CTNND2: variants seen among roughly 807,000 people sequenced by gnomAD.
CTNND2 encodes catenin delta-2.
CTNND2 carries 22 observed loss-of-function variants against 144.4 expected under a neutral mutation model. The observed-to-expected ratio is 0.15, with a 90% confidence interval of 0.11 to 0.22. The LOEUF is 0.22. Ranked by LOEUF, CTNND2 falls within the 10% of genes least tolerant of loss-of-function variation. CTNND2 has a pLI of 1.00. For missense variants in CTNND2, 1,353 were observed against 1,618.8 expected (o/e 0.84, Z 2.82); for synonymous variants, 751 against 695.6 (o/e 1.08, Z -1.25).
intron 9 of CTNND2, among the ~76,000 whole-genome samples, chr5:11,308,326 A>G (rs1750467611): frequency 6.6e-6 from 1 of 152,188 alleles, no homozygotes; most frequent in African/African-American, 2.4e-5. Flanking sequence ...TTCTCTGTAA[A>G]TAACTGGATA....
At chr5:11,514,657 T>C (rs750368002) in intron 3 of CTNND2, among the ~76,000 whole-genome samples, 1 of 152,234 alleles carries the variant, frequency 6.6e-6, no homozygotes, top group Non-Finnish European at 1.5e-5. Context: ...GTAGTGACAG[T>C]TGACACACAG....
intron 3 of CTNND2, among the ~76,000 whole-genome samples, chr5:11,537,290 G>A (rs1262727442): frequency 6.6e-6 from 1 of 152,104 alleles, no homozygotes; most frequent in South Asian, 2.1e-4. Context: ...TTCAATGTTG[G>A]TTCATAATCT....
intron 3 of CTNND2, among the ~76,000 whole-genome samples, chr5:11,553,084 T>C (rs1775908006): frequency 6.6e-6 from 1 of 152,220 alleles, no homozygotes; most frequent in Non-Finnish European, 1.5e-5. Context: ...AGAGTATCTA[T>C]TCAAAGAGTC....
chr5:11,440,237 T>C lies in CTNND2; in HGVS notation c.288-28168A>G, dbSNP rs562806219. ...ACTTTAATGTATACTAAACAGTGTCTAGCTGATGTGTGAACTCGCTCATGG... is the reference window on the plus strand; with the variant it reads ...ACTTTAATGTATACTAAACAGTGTCCAGCTGATGTGTGAACTCGCTCATGG... On this transcript the variant is annotated intron_variant, in intron 3 of 21. Transcript: ENST00000304623. Among the ~76,000 whole-genome samples, 63 of 152,352 alleles carry C rather than the reference T, an allele frequency of 4.1e-4. No individual in the cohort carries two copies. The Middle Eastern group carries it at 0.01, about 25-fold the overall frequency.
Position 11,885,766 on chromosome 5 carries a change from C to T in CTNND2, c.37+18051G>A, listed in dbSNP as rs980136301. On this transcript the variant is annotated intron_variant, in intron 1 of 21. Transcript: ENST00000304623. Reference sequence around the variant, plus strand: ...ACATGGAACATTCTTCAGAACAGACCGTATGTTAGGCCACAAAGCAGGTAT... The same window carrying T: ...ACATGGAACATTCTTCAGAACAGACTGTATGTTAGGCCACAAAGCAGGTAT... Among the ~76,000 whole-genome samples, 28 of 151,884 alleles carry T rather than the reference C, an allele frequency of 1.8e-4. 1 individual carries two copies. Among genetic ancestry groups the T allele is most frequent in the Admixed American group, 1.6e-3 (24 of 15,250 alleles).
chr5:11,302,041 G>A lies in CTNND2; in HGVS notation c.1628+44331C>T, dbSNP rs188621543. Among the ~76,000 whole-genome samples the A allele has an allele frequency of 4.5e-4, 68 of 152,232 alleles. 1 individual carries two copies. Among genetic ancestry groups the A allele is most frequent in the African/African-American group, 1.6e-3 (66 of 41,536 alleles). ...GGGAGTTGGATCCTTGGCACACCAT[G>A]AGCTGGAGCTGAGAGGTAACTGTCG... On this transcript the variant is annotated intron_variant, in intron 9 of 21. Transcript: ENST00000304623.
At chr5:11,457,765 AC>A in intron 3 of CTNND2, among the ~76,000 whole-genome samples, 1 of 152,194 alleles carries the variant, frequency 6.6e-6, no homozygotes, top group Admixed American at 6.5e-5. Context: ...ATCATGGGTG[AC>A]TTCAAGATCC....
intron 3 of CTNND2, among the ~76,000 whole-genome samples, chr5:11,484,028 T>G (rs1768548680): frequency 6.6e-6 from 1 of 152,176 alleles, no homozygotes; most frequent in Non-Finnish European, 1.5e-5. Flanking sequence ...ACAAATTTGT[T>G]GGCATCACAA....
intron 16 of CTNND2, among the ~76,000 whole-genome samples, chr5:11,053,728 G>C (rs1222704380): frequency 6.7e-6 from 1 of 149,820 alleles, no homozygotes; most frequent in Admixed American, 6.6e-5. Context: ...TCCTCTTAAA[G>C]GAATAATAAA....
At chr5:11,729,211 T>C (rs970605242) in intron 2 of CTNND2, among the ~76,000 whole-genome samples, 23 of 152,080 alleles carry the variant, frequency 1.5e-4, no homozygotes, top group Admixed American at 1.4e-3. Context: ...AAAGTCATCT[T>C]TGCTGCCCCA....
intron 3 of CTNND2, among the ~76,000 whole-genome samples, chr5:11,491,674 A>T (rs1769402107): frequency 1.3e-5 from 2 of 152,232 alleles, no homozygotes. Context: ...CTGAAGGCTC[A>T]TGCCCGTCAT....
intron 1 of CTNND2, among the ~76,000 whole-genome samples, chr5:11,806,302 G>A (rs531259675): frequency 6.6e-6 from 1 of 152,194 alleles, no homozygotes; most frequent in South Asian, 2.1e-4. Flanking sequence ...CAACTTTTCT[G>A]TAGATCTAAA....
At chr5:11,689,251 C>T (rs1268805077) in intron 2 of CTNND2, among the ~76,000 whole-genome samples, 6 of 152,086 alleles carry the variant, frequency 3.9e-5, no homozygotes, top group African/African-American at 9.7e-5. Context: ...GATCTGGTTT[C>T]TTAATCTGCA....
Position 11,513,418 on chromosome 5 carries a change from C to T in CTNND2, c.287+51526G>A, listed in dbSNP as rs565159359. On this transcript the variant is annotated intron_variant, in intron 3 of 21. Transcript: ENST00000304623. ...CCTCAAGATACTCTCACATCTGTTTCATTAGACAGGCTGCAAAGGGTTTGA... is the reference window on the plus strand; with the variant it reads ...CCTCAAGATACTCTCACATCTGTTTTATTAGACAGGCTGCAAAGGGTTTGA... Among the ~76,000 whole-genome samples, 10 of 152,322 alleles carry T rather than the reference C, an allele frequency of 6.6e-5. No individual in the cohort carries two copies. The East Asian group carries it at 1.9e-3, about 29-fold the overall frequency.
At chr5:11,880,567 GTAC>G (rs10559386) in intron 1 of CTNND2, among the ~76,000 whole-genome samples, 93,985 of 133,994 alleles carry the variant, frequency 0.7, 32,716 homozygotes, top group South Asian at 0.78. Context: ...ACTGCTACTA[GTAC>G]TACTACTACT....
In CTNND2 at chr5:11,030,682, T is replaced by A. The variant is rs558860916; in HGVS notation, c.2789-7703A>T. Among the ~76,000 whole-genome samples, 14 of 151,884 alleles carry A rather than the reference T, an allele frequency of 9.2e-5. No homozygotes were observed. In the South Asian group the frequency reaches 2.7e-3, roughly 29 times the overall value. On this transcript the variant is annotated intron_variant, in intron 16 of 21. Coordinates refer to ENST00000304623, the MANE Select transcript of CTNND2 (RefSeq NM_001332.4). ...ATATCTTCCTTTAATTCTTTGAACA[T>A]CTTTAAAACAGTTGTTTTAAAGTCT...
chr5:11,285,828 G>A (rs899640434), intron 9 of CTNND2, among the ~76,000 whole-genome samples: 1 of 67,612 alleles, frequency 1.5e-5, no homozygotes, highest in African/African-American at 5.7e-5. Context: ...AAAAGCCAGG[G>A]GGTTTATTTC....
intron 12 of CTNND2, among the ~76,000 whole-genome samples, chr5:11,126,462 C>G (rs1411869964): frequency 6.6e-6 from 1 of 152,082 alleles, no homozygotes; most frequent in Non-Finnish European, 1.5e-5. Context: ...GATAAAATAG[C>G]AGAGATAAAT....
intron 16 of CTNND2, among the ~76,000 whole-genome samples, chr5:11,078,705 C>T (rs1387711413): frequency 6.6e-6 from 1 of 152,098 alleles, no homozygotes; most frequent in African/African-American, 2.4e-5. Flanking sequence ...TTTTTTTCTC[C>T]ATTTTTCAGA....
Sources: allele counts gnomAD v4.1 joint callset (sites outside exome capture counted in the v4.1 genomes callset), GRCh38; gene constraint gnomAD v4.1.1; transcripts MANE v1.5; gene names NCBI Gene and HGNC (gene_info 2026-07-23, HGNC 2026-07-21).